Variants in LRP1B observed in about 807,000 individuals in gnomAD.
LRP1B encodes low-density lipoprotein receptor-related protein 1B.
In LRP1B, 217 loss-of-function variants were observed where a neutral mutation model predicts 556.6. That is an observed-to-expected ratio of 0.39 (90% confidence interval 0.35 to 0.44). The LOEUF is 0.44. Among genes scored for constraint, LRP1B ranks in the 20% least tolerant of loss-of-function variants. The pLI is 1.00. For synonymous variants in LRP1B, 2,047 were observed against 1,865.8 expected, an observed-to-expected ratio of 1.10 and a Z score of -2.50; for missense variants, 5,053 against 5,620.8, an observed-to-expected ratio of 0.90 and a Z score of 3.23.
At chr2:140,379,688 G>C (rs998668931) in intron 67 of LRP1B, among the ~76,000 whole-genome samples, 6 of 151,954 alleles carry the variant, frequency 3.9e-5, no homozygotes, top group African/African-American at 1.2e-4. Flanking sequence ...AAGCAAGACT[G>C]TGCTTCGGAA....
intron 1 of LRP1B, among the ~76,000 whole-genome samples, chr2:141,861,929 C>CAA (rs532228489): frequency 0.1 from 14,315 of 141,198 alleles, 738 homozygotes; most frequent in South Asian, 0.19. Flanking sequence ...GACTCCATCT[C>CAA]AAAAAAAAAA....
intron 12 of LRP1B, among the ~76,000 whole-genome samples, chr2:141,018,646 T>C (rs1181198342): frequency 6.6e-6 from 1 of 152,118 alleles, no homozygotes; most frequent in Non-Finnish European, 1.5e-5. Context: ...AGAAAACATT[T>C]TCTCTAACAA....
intron 2 of LRP1B, among the ~76,000 whole-genome samples, chr2:141,693,848 C>T (rs1480005874): frequency 1.3e-5 from 2 of 152,006 alleles, no homozygotes; most frequent in Non-Finnish European, 2.9e-5. Context: ...CCTATCCAAA[C>T]TCTGTAGATG....
intron 66 of LRP1B, among the ~76,000 whole-genome samples, chr2:140,429,162 C>T (rs1685800524): frequency 6.6e-6 from 1 of 152,280 alleles, no homozygotes; most frequent in East Asian, 1.9e-4. Flanking sequence ...AAGATTAAAG[C>T]CTGTTATCAC....
Position 142,033,978 on chromosome 2 carries a change from T to C in LRP1B, c.82+96670A>G, listed in dbSNP as rs114522024. 1.8e-3 allele frequency among the ~76,000 whole-genome samples: 268 copies of C among 151,920 alleles called. 1 individual carries two copies. Among genetic ancestry groups the C allele is most frequent in the African/African-American group, 6.0e-3 (250 of 41,500 alleles). ...ATCCAGAGGCATCACATGAAGCTCA[T>C]TGTGTTTGCATTAAAATTGTAGTCT... On this transcript the variant is annotated intron_variant, in intron 1 of 90. Transcript: ENST00000389484.
intron 2 of LRP1B, among the ~76,000 whole-genome samples, chr2:141,637,312 T>G (rs1689138751): frequency 6.6e-6 from 1 of 152,182 alleles, no homozygotes; most frequent in African/African-American, 2.4e-5. Flanking sequence ...TTAAATTATG[T>G]AAGCCACTAC....
chr2:141,236,814 A>T (rs1683662154), intron 5 of LRP1B, among the ~76,000 whole-genome samples: 1 of 152,188 alleles, frequency 6.6e-6, no homozygotes, highest in African/African-American at 2.4e-5. Flanking sequence ...ATATGTGGCA[A>T]TGTTCTTACT....
rs753121703 is a variant in LRP1B, at chr2:141,196,623, CTTTTCT to C, written c.851-8046_851-8041del. Among the ~76,000 whole-genome samples, 44 of 152,050 alleles carry C rather than the reference CTTTTCT, an allele frequency of 2.9e-4. 1 individual carries two copies. Among genetic ancestry groups the C allele is most frequent in the Non-Finnish European group, 1.3e-4 (9 of 68,010 alleles). On this transcript the variant is annotated intron_variant, in intron 6 of 90. Coordinates refer to ENST00000389484, the MANE Select transcript of LRP1B (RefSeq NM_018557.3). Reference sequence around the variant, plus strand: ...TAGAGTTAATTGCTTTGTGTTTCAGCTTTTCTTTTTCTTTCTTAGAATTTATTATTG... The same window carrying C: ...TAGAGTTAATTGCTTTGTGTTTCAGCTTTTCTTTCTTAGAATTTATTATTG...
chr2:140,526,543 A>G (rs1404074569), intron 47 of LRP1B, among the ~76,000 whole-genome samples, 193 bp from the exon 48 acceptor site: 1 of 150,606 alleles, frequency 6.6e-6, no homozygotes, highest in East Asian at 1.9e-4. Flanking sequence ...CCCCTATCAC[A>G]CAATTCTTCT....
intron 7 of LRP1B, among the ~76,000 whole-genome samples, chr2:141,107,391 T>C (rs1021715348): frequency 4.6e-5 from 7 of 152,184 alleles, no homozygotes; most frequent in African/African-American, 1.7e-4. Flanking sequence ...CTCATGCCTG[T>C]AATCCCAGCG....
At chr2:140,499,719 A>C in intron 55 of LRP1B, among the ~76,000 whole-genome samples, 1 of 151,704 alleles carries the variant, frequency 6.6e-6, no homozygotes, top group East Asian at 1.9e-4. Context: ...TGTTTAGAAA[A>C]GGTACAGTAA....
intron 43 of LRP1B, among the ~76,000 whole-genome samples, chr2:140,544,494 T>C (rs1574063286): frequency 6.6e-6 from 1 of 152,080 alleles, no homozygotes; most frequent in East Asian, 1.9e-4. Flanking sequence ...CTCCAGTGGG[T>C]CCCAGTGTCT....
rs937935387 is a variant in LRP1B, at chr2:140,700,330, C to T, written c.6719G>A (p.Arg2240Gln). 29 of 1,612,704 alleles carry T rather than the reference C, an allele frequency of 1.8e-5. No homozygotes were observed. The highest frequency in any genetic ancestry group is 2.5e-5 in the Non-Finnish European group (29 of 1,179,346). The change falls in exon 41 of 91, where the codon CGA becomes CAA. Residue 2240 changes from arginine to glutamine, a missense_variant. By Grantham distance (43) the Arg-to-Gln change is conservative (BLOSUM62 1). Transcript: ENST00000389484. ...AAAGTGTGCATCACTGTAAAAGATT[C>T]GGTTGGTACCTTTTCTTCTTTGATT... is the stretch of plus-strand genomic sequence containing the variant. ...DYNQRRKGTN[R>Q]IFYSDAHFGN...
intron 23 of LRP1B, among the ~76,000 whole-genome samples, chr2:140,902,531 T>A (rs965627728): frequency 1.3e-5 from 2 of 151,984 alleles, no homozygotes; most frequent in African/African-American, 4.8e-5. Context: ...GGTTAGAAGA[T>A]GAACACAGCC....
intron 2 of LRP1B, among the ~76,000 whole-genome samples, chr2:141,658,671 A>G (rs995568446): frequency 1.3e-5 from 2 of 152,238 alleles, no homozygotes; most frequent in Non-Finnish European, 2.9e-5. Context: ...GTATTTTGTT[A>G]TGCAGCAATG....
chr2:141,126,982 G>C, intron 7 of LRP1B, among the ~76,000 whole-genome samples: 1 of 152,140 alleles, frequency 6.6e-6, no homozygotes, highest in Admixed American at 6.5e-5. Flanking sequence ...TCTACATTAG[G>C]TATTTCTCCT....
chr2:141,458,960 C>A (rs1681745759), intron 3 of LRP1B, among the ~76,000 whole-genome samples: 1 of 152,152 alleles, frequency 6.6e-6, no homozygotes, highest in South Asian at 2.1e-4. Context: ...AAATTGGCCT[C>A]ATGCTATAGT....
rs975695622 is a variant in LRP1B, at chr2:141,622,878, C to T, written c.206-142345G>A. ...ATGAACTGCAGAGCTATGAAGTGTT[C>T]TGATTTTTTGGATGCTTTGCCAAAT... On this transcript the variant is annotated intron_variant, in intron 2 of 90. Transcript: ENST00000389484. 3.3e-5 allele frequency among the ~76,000 whole-genome samples: 5 copies of T among 152,250 alleles called. No homozygotes were observed. In the East Asian group the frequency reaches 7.7e-4, roughly 24 times the overall value.
intron 15 of LRP1B, among the ~76,000 whole-genome samples, chr2:141,003,668 G>A (rs1697488241): frequency 1.3e-5 from 2 of 152,066 alleles, no homozygotes; most frequent in Non-Finnish European, 2.9e-5. Context: ...GAGGCCTCCT[G>A]AACTATGTAA....
Sources: gnomAD v4.1 joint callset for allele counts (sites outside exome capture counted in the v4.1 genomes callset) on GRCh38, gnomAD v4.1.1 for gene constraint, MANE v1.5 for transcripts, NCBI Gene and HGNC (gene_info 2026-07-23, HGNC 2026-07-21) for gene names.